The following PCDH11X variants were observed in gnomAD, a reference collection of about 807,000 sequenced individuals.
PCDH11X encodes protocadherin 11 X-linked.
A neutral mutation model predicts 53.3 loss-of-function variants in PCDH11X; 18 were observed. The ratio of observed to expected loss-of-function variants is 0.34; its 90% confidence interval spans 0.23 to 0.50. The LOEUF (loss-of-function observed/expected upper bound fraction) is 0.50, where lower values mean the gene tolerates loss of function less well. Among genes scored for constraint, PCDH11X ranks in the 20% least tolerant of loss-of-function variants. PCDH11X has a pLI of 0.98. For missense variants in PCDH11X, 570 were observed against 1,032.4 expected (o/e 0.55, Z 6.14); for synonymous variants, 279 against 393.3 (o/e 0.71, Z 3.44).
chrX:92,178,673 G>A (rs1279273165), intron 6 of PCDH11X, among the ~76,000 whole-genome samples: 1 of 111,176 alleles, frequency 9.0e-6, no homozygotes, highest in Non-Finnish European at 1.9e-5. Context: ...TGTATTATTG[G>A]CCTTCATTTT....
intron 4 of PCDH11X, among the ~76,000 whole-genome samples, chrX:91,817,901 A>G (rs777320705): frequency 1.8e-5 from 2 of 111,846 alleles, no homozygotes; most frequent in South Asian, 7.5e-4. Context: ...TTGACAGGTT[A>G]TATAAAGAAT....
At chrX:92,418,768 TTTC>T (rs778545794) in intron 9 of PCDH11X, among the ~76,000 whole-genome samples, 7 of 106,703 alleles carry the variant, frequency 6.6e-5, no homozygotes, top group South Asian at 4.3e-4. Context: ...ATGACTTATT[TTTC>T]TTCTTCTTCT....
At chrX:91,930,948 T>G (rs1942113849) in intron 6 of PCDH11X, among the ~76,000 whole-genome samples, 1 of 109,385 alleles carries the variant, frequency 9.1e-6, no homozygotes, top group Non-Finnish European at 1.9e-5. Context: ...GCCACTCCTA[T>G]GGTTAGTTTT....
At chrX:92,130,415 C>A (rs757508482) in intron 6 of PCDH11X, among the ~76,000 whole-genome samples, 1 of 110,072 alleles carries the variant, frequency 9.1e-6, no homozygotes, top group Non-Finnish European at 1.9e-5. Context: ...TTTGGGAGGC[C>A]GAGGTGGGCA....
At chrX:91,998,629 T>C (rs2147956515) in intron 6 of PCDH11X, among the ~76,000 whole-genome samples, 1 of 111,195 alleles carries the variant, frequency 9.0e-6, no homozygotes, top group East Asian at 2.8e-4. Context: ...ATGTTAACTC[T>C]AGTCTTAGTC....
chrX:92,064,193 A>ACCAG (rs2148067934), intron 6 of PCDH11X, among the ~76,000 whole-genome samples: 1 of 104,449 alleles, frequency 9.6e-6, no homozygotes, highest in Non-Finnish European at 2.0e-5. Flanking sequence ...TTGCACTTGT[A>ACCAG]CCAGCAGTGA....
chrX:92,218,818 T>C (rs1295245574), intron 7 of PCDH11X, among the ~76,000 whole-genome samples: 3 of 111,400 alleles, frequency 2.7e-5, no homozygotes, highest in Non-Finnish European at 3.8e-5. Context: ...GCAAACCGAA[T>C]CCAGCAGCAC....
chrX:92,147,543 A>C (rs1206093640), intron 6 of PCDH11X, among the ~76,000 whole-genome samples: 1 of 111,399 alleles, frequency 9.0e-6, no homozygotes, highest in African/African-American at 3.3e-5. Flanking sequence ...TACTATTTTT[A>C]ATCAATTGGC....
intron 4 of PCDH11X, among the ~76,000 whole-genome samples, chrX:91,824,035 G>C (rs1351640222): frequency 9.0e-6 from 1 of 111,340 alleles, no homozygotes; most frequent in East Asian, 2.8e-4. Context: ...GGTTTCTGCC[G>C]AGAGATCCGC....
Position 91,833,739 on chromosome X carries a change from A to G in PCDH11X, c.-44-1722A>G, listed in dbSNP as rs189262221. ...AAATAGGAAGATTTCTTTTTTTCCA[A>G]TTTTGTGTATTCCAACATTGGCATA... On this transcript the variant is annotated intron_variant, in intron 4 of 10. Coordinates refer to ENST00000682573, the MANE Select transcript of PCDH11X (RefSeq NM_032968.5). 6.3e-5 allele frequency among the ~76,000 whole-genome samples: 7 copies of G among 111,729 alleles called. No individual in the cohort carries two copies. The East Asian group carries it at 1.7e-3, about 27-fold the overall frequency.
At position 91,895,150 on chromosome X, in the gene PCDH11X, T is replaced by A. The variant is rs1326629198; in HGVS notation, c.3033+15877T>A. ...ATTTTTATGCCTTTCTTAGCAGTAT[T>A]ACTCTGTGGTATACTTCAGTCAAAT... On this transcript the variant is annotated intron_variant, in intron 6 of 10. Coordinates refer to ENST00000682573, the MANE Select transcript of PCDH11X (RefSeq NM_032968.5). Among the ~76,000 whole-genome samples, 21 of 111,757 alleles carry A rather than the reference T, an allele frequency of 1.9e-4. 1 individual carries two copies. Among genetic ancestry groups the A allele is most frequent in the African/African-American group, 6.5e-4 (20 of 30,782 alleles).
intron 8 of PCDH11X, among the ~76,000 whole-genome samples, chrX:92,264,966 G>A (rs891210216): frequency 9.5e-6 from 1 of 105,648 alleles, no homozygotes; most frequent in African/African-American, 3.4e-5. Context: ...TTGCAATAGG[G>A]AGAAGGTTAT....
intron 10 of PCDH11X, among the ~76,000 whole-genome samples, chrX:92,558,177 T>C (rs2148758699): frequency 9.1e-6 from 1 of 109,719 alleles, no homozygotes; most frequent in South Asian, 4.0e-4. Flanking sequence ...ACATAATAAG[T>C]TTCACAGGTG....
intron 9 of PCDH11X, among the ~76,000 whole-genome samples, chrX:92,436,266 G>A (rs1310391094): frequency 1.8e-4 from 19 of 107,851 alleles, no homozygotes; most frequent in African/African-American, 3.7e-4. Context: ...AATCAAAACC[G>A]CAATGAGATA....
chrX:92,254,734 A>G (rs2067530772), intron 7 of PCDH11X, among the ~76,000 whole-genome samples: 1 of 108,608 alleles, frequency 9.2e-6, no homozygotes, highest in Admixed American at 1.0e-4. Flanking sequence ...TTCTGGGTTG[A>G]AAATTCTTTT....
chrX:91,886,761 G>T (rs1303649189), intron 6 of PCDH11X, among the ~76,000 whole-genome samples: 3 of 109,160 alleles, frequency 2.7e-5, no homozygotes, highest in Non-Finnish European at 5.7e-5. Context: ...CACAAGGTCA[G>T]GAGATCGAGA....
At chrX:92,295,267 A>T (rs767256824) in intron 8 of PCDH11X, among the ~76,000 whole-genome samples, 1 of 110,660 alleles carries the variant, frequency 9.0e-6, no homozygotes, top group South Asian at 3.9e-4. Context: ...TGTGTTATTT[A>T]TATTGGTCAT....
At chrX:91,803,714 T>C (rs1426948812) in intron 1 of PCDH11X, among the ~76,000 whole-genome samples, 4 of 111,674 alleles carry the variant, frequency 3.6e-5, no homozygotes, top group Non-Finnish European at 5.6e-5. Flanking sequence ...GCACAGTTCT[T>C]GGCATGTAAT....
At chrX:92,512,662 G>A (rs1345049322) in intron 10 of PCDH11X, among the ~76,000 whole-genome samples, 1 of 112,147 alleles carries the variant, frequency 8.9e-6, no homozygotes, top group Non-Finnish European at 1.9e-5. Flanking sequence ...CACAGTGAGT[G>A]TACAGAGGGC....
Sources: gnomAD v4.1 joint callset for allele counts (sites outside exome capture counted in the v4.1 genomes callset) on GRCh38, gnomAD v4.1.1 for gene constraint, MANE v1.5 for transcripts, NCBI Gene and HGNC (gene_info 2026-07-23, HGNC 2026-07-21) for gene names.